The following TPTE variants were observed in gnomAD, a reference collection of about 807,000 sequenced individuals.
TPTE encodes putative tyrosine-protein phosphatase TPTE.
A neutral mutation model predicts 84.1 loss-of-function variants in TPTE; 59 were observed. The ratio of observed to expected loss-of-function variants is 0.70; its 90% CI spans 0.57 to 0.87. TPTE has a LOEUF of 0.87. TPTE is among the 40% of genes least tolerant of loss of function. TPTE has a pLI of 0.00. For missense variants in TPTE, 382 were observed against 659.6 expected, an observed-to-expected ratio of 0.58 and a Z score of 4.61; for synonymous variants, 130 against 223.5, an observed-to-expected ratio of 0.58 and a Z score of 3.73.
intron 1 of TPTE, among the ~76,000 whole-genome samples, 173 bp from the exon 2 acceptor site, chr21:10,524,407 G>C (rs1434745021): frequency 1.3e-5 from 2 of 152,310 alleles, no homozygotes; most frequent in Non-Finnish European, 2.9e-5. Flanking sequence ...ACAACCCGTG[G>C]GTGTAAGGCC....
chr21:10,604,486 C>G (rs1489568902), intron 23 of TPTE, among the ~76,000 whole-genome samples: 1 of 152,310 alleles, frequency 6.6e-6, no homozygotes, highest in African/African-American at 2.4e-5. Flanking sequence ...TGAACTGGAT[C>G]GAATGATTCC....
At chr21:10,540,751 G>C (rs761909925) in intron 4 of TPTE, 21 of 520,388 alleles carry the variant, frequency 4.0e-5, no homozygotes, top group Non-Finnish European at 7.7e-6. Flanking sequence ...GAAAAGTGAG[G>C]AGGTGATTGG....
chr21:10,569,793 CTTGTAA>C lies in TPTE; in HGVS notation c.730+53_730+58del, dbSNP rs370753049. 1.8e-3 allele frequency: 2,966 copies of C among 1,606,886 alleles called. No individual in the cohort carries two copies. In the African/African-American group the frequency reaches 0.023, roughly 12 times the overall value. On this transcript the variant is annotated intron_variant, in intron 13 of 23. Coordinates refer to ENST00000618007, the MANE Select transcript of TPTE (RefSeq NM_199261.4). ...ATTTACTTGTATTACTTCACTTTTT[CTTGTAA>C]TTGTATTTTTTTTTGCCTCATCTAA...
At chr21:10,573,696 GTAT>G (rs1185206239) in intron 14 of TPTE, among the ~76,000 whole-genome samples, 6 of 152,290 alleles carry the variant, frequency 3.9e-5, no homozygotes, top group Non-Finnish European at 8.8e-5. Flanking sequence ...ATATGAACAA[GTAT>G]TATGTGTCAA....
intron 1 of TPTE, among the ~76,000 whole-genome samples, chr21:10,523,262 T>C (rs1194763351): frequency 6.6e-6 from 1 of 152,306 alleles, no homozygotes. Flanking sequence ...CATGCCCTTC[T>C]CCCTCATCTT....
intron 23 of TPTE, among the ~76,000 whole-genome samples, chr21:10,604,936 A>T (rs1242163305): frequency 6.6e-6 from 1 of 152,310 alleles, no homozygotes; most frequent in African/African-American, 2.4e-5. Context: ...CACGAGGCAT[A>T]AATGGGTTAA....
chr21:10,546,371 G>A (rs1196955108), intron 7 of TPTE, among the ~76,000 whole-genome samples: 4 of 152,300 alleles, frequency 2.6e-5, no homozygotes, highest in African/African-American at 9.6e-5. Context: ...TTCTCCTTGG[G>A]CCTCCCTATT....
chr21:10,566,555 C>T (rs1443696098), intron 10 of TPTE, among the ~76,000 whole-genome samples: 1 of 152,308 alleles, frequency 6.6e-6, no homozygotes, highest in Non-Finnish European at 1.5e-5. Flanking sequence ...TATCTGCATT[C>T]CCTTTTTGTT....
intron 10 of TPTE, among the ~76,000 whole-genome samples, chr21:10,563,706 A>G (rs1359260183): frequency 6.6e-6 from 1 of 152,298 alleles, no homozygotes; most frequent in South Asian, 2.1e-4. Flanking sequence ...ACCTTCACTA[A>G]TGAAAGACAG....
intron 8 of TPTE, among the ~76,000 whole-genome samples, chr21:10,555,244 T>C (rs2074658863): frequency 1.3e-5 from 2 of 152,306 alleles, no homozygotes; most frequent in South Asian, 4.1e-4. Context: ...AGTCTCGCTC[T>C]GTCACCAGGC....
At chr21:10,557,488 CAG>C (rs2145664641) in intron 8 of TPTE, among the ~76,000 whole-genome samples, 1 of 152,302 alleles carries the variant, frequency 6.6e-6, no homozygotes, top group East Asian at 1.9e-4. Context: ...CAAGTGAGTT[CAG>C]ATTTATGACA....
At chr21:10,596,876 A>G (rs533706176) in intron 20 of TPTE, among the ~76,000 whole-genome samples, 1 of 152,428 alleles carries the variant, frequency 6.6e-6, no homozygotes, top group East Asian at 1.9e-4. Context: ...AATAGAAAGA[A>G]GTTCTGCACT....
At chr21:10,558,126 G>A (rs1259017569) in intron 8 of TPTE, among the ~76,000 whole-genome samples, 14 of 152,298 alleles carry the variant, frequency 9.2e-5, no homozygotes, top group African/African-American at 3.1e-4. Flanking sequence ...TGGTATATAT[G>A]TACCACATTT....
At chr21:10,545,183 G>A (rs1175489997) in intron 7 of TPTE, among the ~76,000 whole-genome samples, 1 of 152,268 alleles carries the variant, frequency 6.6e-6, no homozygotes, top group East Asian at 1.9e-4. Flanking sequence ...CATCAATGAT[G>A]GGTGAAATTT....
In TPTE at chr21:10,567,721, T is replaced by A. The variant is rs2074954250; in HGVS notation, c.498T>A (p.Ile166=). ...DLFNILDTAI[I]VILLLVDVVY... is the part of the protein sequence containing the mutation. Reference sequence around the variant, plus strand: ...TTAACATTTTAGATACTGCCATTATTGTGATTCTTCTGCTGGTTGATGTCG... The same window carrying A: ...TTAACATTTTAGATACTGCCATTATAGTGATTCTTCTGCTGGTTGATGTCG... The change falls in exon 11 of 24, where the codon ATT becomes ATA. Residue 166 remains isoleucine, a synonymous_variant. Transcript: ENST00000618007. The A allele has an allele frequency of 6.2e-7, 1 of 1,613,534 alleles. No homozygotes were observed. The highest frequency in any genetic ancestry group is 8.5e-7 in the Non-Finnish European group (1 of 1,179,706).
intron 20 of TPTE, among the ~76,000 whole-genome samples, chr21:10,597,412 C>CTTTTT (rs146272836): frequency 1.5e-4 from 21 of 139,922 alleles, no homozygotes; most frequent in South Asian, 2.3e-4. Flanking sequence ...TTTCTTTTTT[C>CTTTTT]TTTTTTTTTT....
In TPTE at chr21:10,555,550, C is replaced by T. The variant is rs532746508; in HGVS notation, c.233+2834C>T. On this transcript the variant is annotated intron_variant, in intron 8 of 23. Coordinates refer to ENST00000618007, the MANE Select transcript of TPTE (RefSeq NM_199261.4). ...ATTGTCATTTAAATTTAGTTTTTGT[C>T]TCTCATGTATAGCATGTAATGCCTT... Among the ~76,000 whole-genome samples the T allele has an allele frequency of 3.9e-5, 6 of 152,394 alleles. No homozygotes were observed. In the East Asian group the frequency reaches 1.2e-3, roughly 29 times the overall value.
At chr21:10,600,021 T>C (rs1353775685) in intron 21 of TPTE, among the ~76,000 whole-genome samples, 1 of 152,306 alleles carries the variant, frequency 6.6e-6, no homozygotes, top group African/African-American at 2.4e-5. Context: ...CCCAGGCTGG[T>C]CTCAGACTCC....
chr21:10,580,210 C>T (rs2075246590), intron 17 of TPTE, among the ~76,000 whole-genome samples: 1 of 152,312 alleles, frequency 6.6e-6, no homozygotes. Context: ...GTAACTTGTT[C>T]TCTTGCTATT....
Sources: gnomAD v4.1 joint callset for allele counts (sites outside exome capture counted in the v4.1 genomes callset) on GRCh38, gnomAD v4.1.1 for gene constraint, MANE v1.5 for transcripts, NCBI Gene and HGNC (gene_info 2026-07-23, HGNC 2026-07-21) for gene names.